Variants in DNAI3 observed in about 807,000 individuals in gnomAD.
The protein encoded by DNAI3 is dynein axonemal intermediate chain 3, also known as WD repeat domain 63.
Under a neutral mutation model 115.5 loss-of-function variants are expected in DNAI3, and 83 were observed. The ratio of observed to expected loss-of-function variants is 0.72; its 90% confidence interval spans 0.60 to 0.86. The LOEUF is 0.86. DNAI3 is among the 40% of genes least tolerant of loss of function. DNAI3 has a pLI of 0.00. For synonymous variants in DNAI3, 320 were observed against 347.0 expected (o/e 0.92, Z 0.86); for missense variants, 1,004 against 1,075.8 (o/e 0.93, Z 0.93).
intron 15 of DNAI3, 135 bp downstream of exon 15, chr1:85,108,312 TA>T: frequency 1.0e-6 from 1 of 970,110 alleles, no homozygotes; most frequent in East Asian, 2.7e-5. Flanking sequence ...AATTTGTGTT[TA>T]TTCAACCAAT....
intron 1 of DNAI3, among the ~76,000 whole-genome samples, chr1:85,068,924 T>C (rs1422816684): frequency 6.6e-6 from 1 of 152,252 alleles, no homozygotes; most frequent in Non-Finnish European, 1.5e-5. Context: ...CTTGCTTTTT[T>C]CTCTGCTGTG....
At chr1:85,084,187 G>A (rs1187881278) in intron 5 of DNAI3, among the ~76,000 whole-genome samples, 10 of 142,844 alleles carry the variant, frequency 7.0e-5, no homozygotes, top group East Asian at 4.1e-4. Context: ...GTGTGTGTGT[G>A]TATATATACA....
intron 13 of DNAI3, chr1:85,099,375 A>G (rs1485593355): frequency 1.5e-6 from 1 of 686,454 alleles, no homozygotes; most frequent in African/African-American, 2.0e-5. Flanking sequence ...TCCCATTCAC[A>G]ATTGCTTCAA....
At chr1:85,086,975 C>A (rs1654815965) in intron 7 of DNAI3, among the ~76,000 whole-genome samples, 1 of 152,076 alleles carries the variant, frequency 6.6e-6, no homozygotes, top group Non-Finnish European at 1.5e-5. Context: ...TCTCCCTGCT[C>A]ATCCATCCAG....
chr1:85,128,515 T>A (rs1656216442), intron 20 of DNAI3, among the ~76,000 whole-genome samples, 193 bp from the exon 21 acceptor site: 1 of 152,230 alleles, frequency 6.6e-6, no homozygotes, highest in South Asian at 2.1e-4. Context: ...AGCTTTCATT[T>A]CATCAGCTGG....
At chr1:85,119,948 C>T (rs1158132496) in intron 17 of DNAI3, among the ~76,000 whole-genome samples, 2 of 152,214 alleles carry the variant, frequency 1.3e-5, no homozygotes, top group Admixed American at 6.5e-5. Context: ...GATCCGCTCG[C>T]CTTGGACTCC....
intron 22 of DNAI3, among the ~76,000 whole-genome samples, chr1:85,131,090 G>A (rs371059705): frequency 6.6e-6 from 1 of 152,130 alleles, no homozygotes; most frequent in East Asian, 1.9e-4. Flanking sequence ...TGTAGGTTCC[G>A]TATAGCCAAA....
rs765188086 is a variant in DNAI3 at position 85,108,066 on chromosome 1, A to G, written c.1587A>G (p.Lys529=). 2.3e-5 allele frequency: 37 copies of G among 1,602,106 alleles called. No homozygotes were observed. Among genetic ancestry groups the G allele is most frequent in the Non-Finnish European group, 3.1e-5 (37 of 1,175,940 alleles). The change falls in exon 15 of 23, where the codon AAA becomes AAG. Residue 529 remains lysine (K), a synonymous_variant. Transcript: ENST00000294664. ...TICFWDIRPQ[K]PLTPQTTEKK... ...GTTTTTGGGATATTAGACCACAGAA[A>G]CCTTTAACCCCCCAAACAACAGAGA...
chr1:85,089,976 G>T (rs892094177), intron 7 of DNAI3, 140 bp from the exon 8 acceptor site: 1 of 364,934 alleles, frequency 2.7e-6, no homozygotes, highest in Admixed American at 4.7e-5. Flanking sequence ...CTAGGATAAA[G>T]AAAATTCAAT....
At chr1:85,099,960 C>T (rs1184908374) in intron 13 of DNAI3, among the ~76,000 whole-genome samples, 1 of 152,134 alleles carries the variant, frequency 6.6e-6, no homozygotes, top group Non-Finnish European at 1.5e-5. Context: ...ACACCTTATA[C>T]AAAAATTAAT....
chr1:85,110,480 AATAC>A (rs1293506517), intron 16 of DNAI3, among the ~76,000 whole-genome samples: 379 of 151,136 alleles, frequency 2.5e-3, no homozygotes, highest in East Asian at 6.0e-3. Context: ...TAAATAAATA[AATAC>A]ATTTACTAAT....
chr1:85,118,175 GA>G (rs1349434980), intron 17 of DNAI3, among the ~76,000 whole-genome samples: 1 of 152,066 alleles, frequency 6.6e-6, no homozygotes, highest in African/African-American at 2.4e-5. Flanking sequence ...GATTTACTAA[GA>G]AACTATAGTG....
At chr1:85,119,401 C>A (rs1236403353) in intron 17 of DNAI3, among the ~76,000 whole-genome samples, 2 of 152,228 alleles carry the variant, frequency 1.3e-5, no homozygotes, top group African/African-American at 4.8e-5. Context: ...TGTGACTATT[C>A]TAGATACCTC....
intron 22 of DNAI3, among the ~76,000 whole-genome samples, chr1:85,130,490 T>C (rs1656278290): frequency 6.6e-6 from 1 of 152,198 alleles, no homozygotes. Context: ...TGCCACTGAC[T>C]AGCTGTGAGA....
At chr1:85,106,638 A>G (rs1324634106) in intron 14 of DNAI3, among the ~76,000 whole-genome samples, 1 of 152,244 alleles carries the variant, frequency 6.6e-6, no homozygotes, top group Non-Finnish European at 1.5e-5. Flanking sequence ...CTGTCTACAA[A>G]GCTATAGTAA....
chr1:85,094,654 A>G, intron 10 of DNAI3, 99 bp downstream of exon 10: 6 of 1,406,000 alleles, frequency 4.3e-6, no homozygotes, highest in Non-Finnish European at 5.7e-6. Flanking sequence ...TAATCATGTA[A>G]TGTTGTAAAC....
In DNAI3 at chr1:85,084,579, A is replaced by G. The variant is rs775646778; in HGVS notation, c.424A>G (p.Lys142Glu). 4.6e-6 allele frequency: 7 copies of G among 1,526,150 alleles called. No individual in the cohort carries two copies. The highest frequency in any genetic ancestry group is 1.4e-5 in the African/African-American group (1 of 70,948). 94.5% of individuals were successfully genotyped at this position (1,526,150 alleles called of 1,614,324 possible). The change falls in exon 6 of 23, where the codon AAA (lysine) becomes GAA (glutamate). Residue 142 changes from lysine (K) to glutamate (E), a missense_variant. By Grantham distance (56) the Lys-to-Glu change is moderately conservative. This residue lies in a region of DNAI3 where 550 missense variants were observed against 568.1 expected (regional missense o/e 0.97). Transcript: ENST00000294664. Reference sequence around the variant, plus strand: ...AGTACCAGAAGAACAAGAAGAATATAAAGAACATATTCCTGAAGATGTGTA... The same window carrying G: ...AGTACCAGAAGAACAAGAAGAATATGAAGAACATATTCCTGAAGATGTGTA... ...PEVPEEQEEYKEHIPEDVYIY... is the reference protein window; with the variant it reads ...PEVPEEQEEYEEHIPEDVYIY...
intron 1 of DNAI3, among the ~76,000 whole-genome samples, chr1:85,065,350 A>G (rs1654064684): frequency 1.3e-5 from 2 of 152,210 alleles, no homozygotes; most frequent in Non-Finnish European, 2.9e-5. Flanking sequence ...TAAAATGTTT[A>G]TTTGAGAATA....
chr1:85,105,457 A>C (rs1412941594), intron 14 of DNAI3, among the ~76,000 whole-genome samples: 1 of 151,734 alleles, frequency 6.6e-6, no homozygotes, highest in Non-Finnish European at 1.5e-5. Context: ...AAATATTTAC[A>C]GATAGAAAAT....
Sources: allele counts gnomAD v4.1 joint callset (sites outside exome capture counted in the v4.1 genomes callset), GRCh38; gene constraint gnomAD v4.1.1; regional missense constraint gnomAD v4.1.1; transcripts MANE v1.5; gene names NCBI Gene and HGNC (gene_info 2026-07-23, HGNC 2026-07-21).